The following AGTPBP1 variants were observed in gnomAD, a reference collection of about 807,000 sequenced individuals.
AGTPBP1 encodes the protein cytosolic carboxypeptidase 1.
Under a neutral mutation model 143.9 loss-of-function variants are expected in AGTPBP1, and 70 were observed. The ratio of observed to expected loss-of-function variants is 0.49; its 90% CI spans 0.40 to 0.59. The LOEUF (loss-of-function observed/expected upper bound fraction) is 0.59. Among genes scored for constraint, AGTPBP1 ranks in the 20% least tolerant of loss-of-function variants. AGTPBP1 has a pLI of 0.00. For synonymous variants in AGTPBP1, 463 were observed against 500.2 expected (o/e 0.93, Z 0.99); for missense variants, 1,229 against 1,464.5 (o/e 0.84, Z 2.62).
intron 6 of AGTPBP1, among the ~76,000 whole-genome samples, chr9:85,675,360 C>A (rs993543154): frequency 3.3e-5 from 5 of 152,098 alleles, no homozygotes; most frequent in South Asian, 4.1e-4. Context: ...CTATTTTTCC[C>A]AATTTGCATT....
intron 3 of AGTPBP1, among the ~76,000 whole-genome samples, chr9:85,684,989 A>C (rs1486744485): frequency 1.3e-5 from 2 of 151,828 alleles, no homozygotes; most frequent in Non-Finnish European, 2.9e-5. Flanking sequence ...AAAAAAAAAA[A>C]CATCTGAAAT....
intron 17 of AGTPBP1, among the ~76,000 whole-genome samples, chr9:85,610,303 TG>T (rs546264374): frequency 4.0e-5 from 6 of 151,502 alleles, no homozygotes; most frequent in Admixed American, 2.0e-4. Flanking sequence ...TTCCAAGTAA[TG>T]GGGGGGTAAG....
At chr9:85,612,473 C>A (rs1830370283) in intron 17 of AGTPBP1, among the ~76,000 whole-genome samples, 1 of 152,194 alleles carries the variant, frequency 6.6e-6, no homozygotes, top group African/African-American at 2.4e-5. Context: ...CCCTTCTGGA[C>A]CTACCTGTTC....
chr9:85,636,905 C>CA lies in AGTPBP1; in HGVS notation c.1303-3532dup, dbSNP rs1423561937. 5.3e-5 allele frequency among the ~76,000 whole-genome samples: 8 copies of CA among 151,522 alleles called. No homozygotes were observed. In the South Asian group the frequency reaches 8.3e-4, roughly 16 times the overall value. ...ATTACTAGGAACTGTAGCATTAAAGCAAAAAAAGTATATGTTAAAAGCCAC... is the reference window on the plus strand; with the variant it reads ...ATTACTAGGAACTGTAGCATTAAAGCAAAAAAAAGTATATGTTAAAAGCCAC... On this transcript the variant is annotated intron_variant, in intron 13 of 25. Coordinates refer to ENST00000357081, the MANE Select transcript of AGTPBP1 (RefSeq NM_001330701.2).
At chr9:85,666,751 T>A (rs180916815) in intron 8 of AGTPBP1, among the ~76,000 whole-genome samples, 20 of 152,106 alleles carry the variant, frequency 1.3e-4, no homozygotes, top group Non-Finnish European at 2.2e-4. Flanking sequence ...ATAAAGTACA[T>A]CTTAAGTAGG....
At chr9:85,623,058 G>T (rs1426645603) in intron 14 of AGTPBP1, among the ~76,000 whole-genome samples, 1 of 152,152 alleles carries the variant, frequency 6.6e-6, no homozygotes, top group Non-Finnish European at 1.5e-5. Flanking sequence ...GCAAAACAGG[G>T]TCAAAGAGCT....
chr9:85,589,798 T>A, intron 19 of AGTPBP1, 117 bp from the exon 20 acceptor site: 1 of 1,018,012 alleles, frequency 9.8e-7, no homozygotes, highest in Non-Finnish European at 1.4e-6. Flanking sequence ...TAACCCCTTA[T>A]CCAAAACCCT....
At chr9:85,783,114 C>A in the AGTPBP1 span, among the ~76,000 whole-genome samples, 9,224 of 151,890 alleles carry the variant, frequency 0.061, 923 homozygotes, top group African/African-American at 0.21. Flanking sequence ...GGTTTAAGAA[C>A]TCTGGATCTT....
chr9:85,669,891 G>A (rs112393613), intron 7 of AGTPBP1, among the ~76,000 whole-genome samples: 2,569 of 151,762 alleles, frequency 0.017, 35 homozygotes, highest in Middle Eastern at 0.038. Context: ...ACCAGGTTAT[G>A]GGGATTCCGA....
chr9:85,728,788 AG>A (rs1182419958), intron 1 of AGTPBP1, among the ~76,000 whole-genome samples: 1 of 151,934 alleles, frequency 6.6e-6, no homozygotes, highest in East Asian at 1.9e-4. Flanking sequence ...AAAAAAAAAA[AG>A]TTGGCTTATT....
chr9:85,573,012 A>G (rs1019514563), intron 25 of AGTPBP1, among the ~76,000 whole-genome samples: 23 of 152,180 alleles, frequency 1.5e-4, no homozygotes, highest in African/African-American at 5.3e-4. Flanking sequence ...TTACCCATAT[A>G]CACAAAACCA....
At chr9:85,637,972 T>C (rs993449913) in intron 13 of AGTPBP1, among the ~76,000 whole-genome samples, 24 of 152,140 alleles carry the variant, frequency 1.6e-4, no homozygotes, top group Non-Finnish European at 4.4e-5. Context: ...CAAAAGGTAA[T>C]GAAAAATTTT....
At chr9:85,554,524 C>A (rs1275473391) in intron 25 of AGTPBP1, among the ~76,000 whole-genome samples, 1 of 152,116 alleles carries the variant, frequency 6.6e-6, no homozygotes, top group African/African-American at 2.4e-5. Context: ...CAGGAGGAGG[C>A]GTGAACCAAG....
intron 25 of AGTPBP1, among the ~76,000 whole-genome samples, chr9:85,548,053 CA>C (rs1037635979): frequency 2.6e-5 from 4 of 152,246 alleles, no homozygotes; most frequent in African/African-American, 9.6e-5. Flanking sequence ...ACTACAGAAA[CA>C]TTTTAGAATC....
At chr9:85,649,389 C>T (rs1587825589) in intron 11 of AGTPBP1, among the ~76,000 whole-genome samples, 1 of 152,138 alleles carries the variant, frequency 6.6e-6, no homozygotes, top group Non-Finnish European at 1.5e-5. Flanking sequence ...TACACATATA[C>T]ACACGTAGAG....
At chr9:85,788,254 G>A in the AGTPBP1 span, among the ~76,000 whole-genome samples, 1 of 151,632 alleles carries the variant, frequency 6.6e-6, no homozygotes, top group Non-Finnish European at 1.5e-5. Context: ...ACCAGAGACT[G>A]TTTGAAGTCA....
intron 13 of AGTPBP1, 106 bp downstream of exon 13, chr9:85,642,721 C>T: frequency 1.1e-6 from 1 of 929,390 alleles, no homozygotes; most frequent in Non-Finnish European, 1.7e-6. Context: ...GCTAGTTTCA[C>T]TTTTTAGAAA....
At chr9:85,688,096 TAAAA>T (rs58523894) in intron 3 of AGTPBP1, among the ~76,000 whole-genome samples, 17 of 34,684 alleles carry the variant, frequency 4.9e-4, no homozygotes, top group African/African-American at 1.7e-3. Flanking sequence ...GTCTCAAAAT[TAAAA>T]AAAAAAAAAA....
At chr9:85,631,990 T>C (rs565794362) in intron 14 of AGTPBP1, among the ~76,000 whole-genome samples, 6 of 152,216 alleles carry the variant, frequency 3.9e-5, no homozygotes, top group Non-Finnish European at 8.8e-5. Flanking sequence ...TAAAATGTTT[T>C]CCAATTAAAA....
Sources: allele counts gnomAD v4.1 joint callset (sites outside exome capture counted in the v4.1 genomes callset), GRCh38; gene constraint gnomAD v4.1.1; transcripts MANE v1.5; gene names NCBI Gene and HGNC (gene_info 2026-07-23, HGNC 2026-07-21).